The following FBXO15 variants were observed in gnomAD, a reference collection of about 807,000 sequenced individuals.
The protein encoded by FBXO15 is F-box protein 15.
In FBXO15, 30 loss-of-function variants were observed where a neutral mutation model predicts 49.5. The observed-to-expected ratio is 0.61, with a 90% CI of 0.45 to 0.82. The LOEUF (loss-of-function observed/expected upper bound fraction) is 0.82, where lower values mean the gene tolerates loss of function less well. FBXO15 is among the 40% of genes least tolerant of loss of function. The pLI, the probability that FBXO15 is intolerant of heterozygous loss-of-function variation, is 0.00. For missense variants in FBXO15, 591 were observed against 631.5 expected (o/e 0.94, Z 0.69); for synonymous variants, 250 against 232.7 (o/e 1.07, Z -0.68).
At chr18:74,124,972 T>G (rs988674248) in intron 6 of FBXO15, among the ~76,000 whole-genome samples, 1 of 152,212 alleles carries the variant, frequency 6.6e-6, no homozygotes, top group African/African-American at 2.4e-5. Context: ...ATGTTCCTCT[T>G]GCAAGTAACT....
intron 8 of FBXO15, among the ~76,000 whole-genome samples, chr18:74,095,698 T>C (rs373213568): frequency 4.6e-5 from 7 of 152,240 alleles, no homozygotes; most frequent in East Asian, 1.9e-4. Context: ...ACATGTGACA[T>C]AGAAATTCAA....
chr18:74,095,309 T>TTCAACCTC (rs1913228321), intron 8 of FBXO15, among the ~76,000 whole-genome samples: 1 of 152,274 alleles, frequency 6.6e-6, no homozygotes, highest in South Asian at 2.1e-4. Flanking sequence ...AGGCCTAGCT[T>TTCAACCTC]TCAACCTCTC....
At chr18:74,106,251 G>A (rs1268424492) in intron 8 of FBXO15, among the ~76,000 whole-genome samples, 2 of 152,070 alleles carry the variant, frequency 1.3e-5, no homozygotes, top group African/African-American at 4.8e-5. Flanking sequence ...TTTTATTCAA[G>A]AGTAGAACTT....
At chr18:74,105,616 T>C (rs1913720833) in intron 8 of FBXO15, among the ~76,000 whole-genome samples, 1 of 151,854 alleles carries the variant, frequency 6.6e-6, no homozygotes, top group Non-Finnish European at 1.5e-5. Context: ...ATGGTTTTTT[T>C]TTTGTATTTT....
intron 8 of FBXO15, among the ~76,000 whole-genome samples, chr18:74,092,652 T>TCAGC (rs1044056818): frequency 9.9e-5 from 15 of 152,266 alleles, no homozygotes; most frequent in African/African-American, 3.6e-4. Context: ...GGGCCAACGC[T>TCAGC]CAGCTCAGCA....
At chr18:74,076,928 A>G (rs1413978518) in intron 9 of FBXO15, among the ~76,000 whole-genome samples, 1 of 152,058 alleles carries the variant, frequency 6.6e-6, no homozygotes, top group African/African-American at 2.4e-5. Context: ...TCCTCTTCCC[A>G]TCTTCTCTTT....
intron 9 of FBXO15, among the ~76,000 whole-genome samples, chr18:74,080,317 C>T (rs1912436447): frequency 6.6e-6 from 1 of 152,108 alleles, no homozygotes; most frequent in South Asian, 2.1e-4. Context: ...ATACTGAATC[C>T]AAGAGCATAA....
At chr18:74,133,194 G>A (rs146043507) in intron 3 of FBXO15, among the ~76,000 whole-genome samples, 77 of 152,240 alleles carry the variant, frequency 5.1e-4, no homozygotes, top group African/African-American at 1.7e-3. Context: ...ATTCAACTTA[G>A]CACAATTAAA....
chr18:74,076,838 C>G (rs891269653), intron 9 of FBXO15, among the ~76,000 whole-genome samples: 19 of 152,188 alleles, frequency 1.2e-4, no homozygotes, highest in Non-Finnish European at 2.4e-4. Context: ...CATCTGTGCT[C>G]CAGCCACACT....
chr18:74,133,421 T>C (rs141777502), intron 3 of FBXO15, among the ~76,000 whole-genome samples: 20 of 152,232 alleles, frequency 1.3e-4, no homozygotes, highest in South Asian at 2.1e-4. Context: ...CTAAGAAATA[T>C]ACAATGTATC....
intron 8 of FBXO15, among the ~76,000 whole-genome samples, chr18:74,091,392 T>C (rs909502077): frequency 6.6e-6 from 1 of 151,202 alleles, no homozygotes; most frequent in African/African-American, 2.4e-5. Context: ...AGCCTGATTA[T>C]ATTCAAGATT....
Position 74,147,825 on chromosome 18 carries a change from A to C in FBXO15, c.-40T>G, listed in dbSNP as rs1340870689. The C allele has an allele frequency of 3.4e-6, 5 of 1,474,546 alleles. No individual in the cohort carries two copies. Among genetic ancestry groups the C allele is most frequent in the African/African-American group, 2.9e-5 (2 of 68,870 alleles). The allele number at this position is 1,474,546 out of a possible 1,614,324, so 91.3% of individuals were successfully genotyped here. A position where few individuals can be genotyped will look rare whatever the true frequency, so the allele number is the denominator to read the frequency against. On this transcript the variant is annotated 5_prime_UTR_variant, in exon 1 of 10. Transcript: ENST00000419743. ...CACCACAGGACCGCGCCAGGGCTGAAACGAAGAGTGCACGCACCGCCCCCA... is the reference window on the plus strand; with the variant it reads ...CACCACAGGACCGCGCCAGGGCTGACACGAAGAGTGCACGCACCGCCCCCA...
intron 5 of FBXO15, among the ~76,000 whole-genome samples, chr18:74,126,976 A>G (rs1978290545): frequency 6.6e-6 from 1 of 152,258 alleles, no homozygotes; most frequent in Non-Finnish European, 1.5e-5. Flanking sequence ...TAAACCCAGC[A>G]TATGCAGAAT....
At chr18:74,128,380 C>A (rs1300222646) in intron 5 of FBXO15, among the ~76,000 whole-genome samples, 4 of 151,532 alleles carry the variant, frequency 2.6e-5, no homozygotes, top group African/African-American at 9.7e-5. Flanking sequence ...ATGAAAGAAC[C>A]CTGTCCCTCC....
chr18:74,099,776 A>G (rs2043720397), intron 8 of FBXO15: 2 of 152,202 alleles, frequency 1.3e-5, no homozygotes, highest in Admixed American at 1.3e-4. Context: ...TTCTTATATC[A>G]TTAAAACAAA....
chr18:74,130,280 T>C, intron 4 of FBXO15, 136 bp downstream of exon 4: 1 of 1,230,694 alleles, frequency 8.1e-7, no homozygotes. Context: ...AATAGGAAAA[T>C]GATACATATT....
chr18:74,093,292 T>A (rs1308440182), intron 8 of FBXO15, among the ~76,000 whole-genome samples: 1 of 149,166 alleles, frequency 6.7e-6, no homozygotes, highest in Non-Finnish European at 1.5e-5. Flanking sequence ...GACAAGTACA[T>A]GCTAGCAAAG....
chr18:74,077,793 G>A (rs578236183), intron 9 of FBXO15, among the ~76,000 whole-genome samples: 7 of 152,190 alleles, frequency 4.6e-5, no homozygotes, highest in Non-Finnish European at 8.8e-5. Flanking sequence ...CCGTTTTAGA[G>A]AGAAGGCTCT....
chr18:74,086,106 C>T (rs1214257708), intron 8 of FBXO15, among the ~76,000 whole-genome samples: 1 of 151,902 alleles, frequency 6.6e-6, no homozygotes, highest in Non-Finnish European at 1.5e-5. Context: ...TAATGCTTTA[C>T]CTATTATAAA....
Sources: gnomAD v4.1 joint callset for allele counts (sites outside exome capture counted in the v4.1 genomes callset) on GRCh38, gnomAD v4.1.1 for gene constraint, MANE v1.5 for transcripts, NCBI Gene and HGNC (gene_info 2026-07-23, HGNC 2026-07-21) for gene names.